The following TTF2 variants were observed in gnomAD, a reference collection of about 807,000 sequenced individuals.
The protein encoded by TTF2 is transcription termination factor 2.
TTF2 carries 108 observed loss-of-function variants against 142.4 expected under a neutral mutation model. The observed-to-expected ratio is 0.76, with a 90% confidence interval of 0.65 to 0.89. The LOEUF is 0.89. Among genes scored for constraint, TTF2 ranks in the 40% least tolerant of loss-of-function variants. The pLI, the probability that TTF2 is intolerant of heterozygous loss-of-function variation, is 0.00. For synonymous variants in TTF2, 483 were observed against 506.2 expected, an observed-to-expected ratio of 0.95 and a Z score of 0.61; for missense variants, 1,327 against 1,379.8, an observed-to-expected ratio of 0.96 and a Z score of 0.61.
chr1:117,088,265 C>T (rs536916095), intron 12 of TTF2, among the ~76,000 whole-genome samples: 9 of 152,222 alleles, frequency 5.9e-5, no homozygotes, highest in East Asian at 1.9e-4. Flanking sequence ...CGGCTGGGCG[C>T]GGTGGCTCAT....
Position 117,086,391 on chromosome 1 carries a change from TTGA to T in TTF2, c.2055-24_2055-22del. 1 of 1,549,258 alleles carries T rather than the reference TTGA, an allele frequency of 6.5e-7. No homozygotes were observed. The highest frequency in any genetic ancestry group is 8.9e-7 in the Non-Finnish European group (1 of 1,121,272). Reference sequence around the variant, plus strand: ...TGTCCCTCTATAGTGGGACCATTTATTGATTTCTTTGTTATGTCTACGCAGCCT... The same window carrying T: ...TGTCCCTCTATAGTGGGACCATTTATTTTCTTTGTTATGTCTACGCAGCCT... On this transcript the variant is annotated intron_variant, in intron 11 of 22. Coordinates refer to ENST00000369466, the MANE Select transcript of TTF2 (RefSeq NM_003594.4). The surrounding 1 kb of genome is among the most constrained non-coding windows in gnomAD (Gnocchi z 4.2).
intron 3 of TTF2, among the ~76,000 whole-genome samples, chr1:117,066,695 CTTTTTTTTTT>C (rs530588185): frequency 1.7e-5 from 2 of 115,050 alleles, no homozygotes; most frequent in African/African-American, 6.3e-5. Context: ...CTAATCATGT[CTTTTTTTTTT>C]TTTTTTTTTT....
rs1656925689 is a variant in TTF2, at chr1:117,075,557, C to T, written c.973C>T (p.Pro325Ser). The change falls in exon 5 of 23, where the codon CCT becomes TCT. Residue 325 changes from proline (P) to serine (S), a missense_variant. By Grantham distance (74) the Pro-to-Ser change is moderately conservative (BLOSUM62 -1). Coordinates refer to ENST00000369466, the MANE Select transcript of TTF2 (RefSeq NM_003594.4). The surrounding 1 kb of genome is among the most constrained non-coding windows in gnomAD (Gnocchi z 4.5). ...ERPETHSVPA[P>S]GGPAAQAAPA... ...GCCGGAGACCCACAGTGTGCCTGCT[C>T]CTGGAGGACCAGCGGCTCAGGCTGC... The T allele has an allele frequency of 6.2e-7, 1 of 1,614,166 alleles. No individual in the cohort carries two copies. Among genetic ancestry groups the T allele is most frequent in the Middle Eastern group, 1.6e-4 (1 of 6,062 alleles).
chr1:117,084,789 AGATTGAATACTG>A (rs1304424989), intron 11 of TTF2, among the ~76,000 whole-genome samples: 3 of 152,134 alleles, frequency 2.0e-5, no homozygotes, highest in Non-Finnish European at 4.4e-5. Context: ...GTGAAGATCT[AGATTGAATACTG>A]GCTGCTGTAG....
chr1:117,085,405 T>C lies in TTF2; in HGVS notation c.2055-1012T>C, dbSNP rs1263442844. On this transcript the variant is annotated intron_variant, in intron 11 of 22. Transcript: ENST00000369466. This position sits in a 1 kb window ranked among gnomAD's most constrained non-coding sequence, Gnocchi z 4.7. The stretch of plus-strand genomic sequence containing the variant: ...CCATCTCTACCAAAAATACAAAAAT[T>C]AGCTGGGTGTGGTGGTGTGCACTTG... Among the ~76,000 whole-genome samples, 17 of 152,032 alleles carry C rather than the reference T, an allele frequency of 1.1e-4. No homozygotes were observed.
chr1:117,072,096 G>A (rs1656622351), intron 3 of TTF2, among the ~76,000 whole-genome samples: 1 of 152,168 alleles, frequency 6.6e-6, no homozygotes, highest in African/African-American at 2.4e-5. Context: ...AGACTGGAGG[G>A]TGCATGGCTT....
chr1:117,093,362 A>G lies in TTF2; in HGVS notation c.2976+461A>G, dbSNP rs1265775609. Among the ~76,000 whole-genome samples the G allele has an allele frequency of 1.3e-5, 2 of 152,154 alleles. No individual in the cohort carries two copies. Among genetic ancestry groups the G allele is most frequent in the African/African-American group, 4.8e-5 (2 of 41,434 alleles). ...ACATAGCCTTCTGTCTTCATTAGTC[A>G]TTCTGCTCTGTTTTCGTCAGAGCTT... On this transcript the variant is annotated intron_variant, in intron 18 of 22. Transcript: ENST00000369466. The surrounding 1 kb of genome is among the most constrained non-coding windows in gnomAD (Gnocchi z 4.5).
chr1:117,102,996 G>C lies in TTF2; in HGVS notation c.*1472G>C, dbSNP rs1217571567. Reference sequence around the variant, plus strand: ...TGGACTGTGGAGAGAAGCGATTGATGTAAGTCACTTCTAGGTGGCCCTCTA... The same window carrying C: ...TGGACTGTGGAGAGAAGCGATTGATCTAAGTCACTTCTAGGTGGCCCTCTA... On this transcript the variant is annotated 3_prime_UTR_variant, in exon 23 of 23. Transcript: ENST00000369466. The C allele has an allele frequency of 6.6e-6, 1 of 152,194 alleles. No individual in the cohort carries two copies. The highest frequency in any genetic ancestry group is 6.5e-5 in the Admixed American group (1 of 15,282). The allele number at this position is 152,194 out of a possible 1,614,324, so 9.4% of individuals were successfully genotyped here. A position where few individuals can be genotyped will look rare whatever the true frequency, so the allele number is the denominator to read the frequency against.
chr1:117,094,837 C>G (rs1648964662), intron 18 of TTF2: 1 of 353,280 alleles, frequency 2.8e-6, no homozygotes, highest in Non-Finnish European at 5.6e-6. Flanking sequence ...TATGATAGTA[C>G]TTGGGCAGTG....
rs1649747676 is a variant in TTF2, at chr1:117,103,623, G to A, written c.*2099G>A. 1 of 152,176 alleles carries A rather than the reference G, an allele frequency of 6.6e-6. No homozygotes were observed. The highest frequency in any genetic ancestry group is 2.4e-5 in the African/African-American group (1 of 41,426). 9.4% of individuals were successfully genotyped at this position (152,176 alleles called of 1,614,324 possible). On this transcript the variant is annotated 3_prime_UTR_variant, in exon 23 of 23. Coordinates refer to ENST00000369466, the MANE Select transcript of TTF2 (RefSeq NM_003594.4). ...TTCTAGTCTAGAACGTTTGAGATTT[G>A]ACTCTAGTTCTAGGTTCATCTTAGC... is the stretch of plus-strand genomic sequence containing the variant.
intron 3 of TTF2, among the ~76,000 whole-genome samples, chr1:117,064,508 TTTTG>T (rs145922216): frequency 0.98 from 147,827 of 151,418 alleles, 72,200 homozygotes; most frequent in Non-Finnish European, 0.98. Flanking sequence ...ATAGTTTTAT[TTTTG>T]TTTGTTTGTT....
intron 3 of TTF2, among the ~76,000 whole-genome samples, chr1:117,072,872 C>T (rs1043273339): frequency 2.6e-5 from 4 of 152,270 alleles, no homozygotes; most frequent in Middle Eastern, 3.4e-3. Context: ...GTCTCAGGCC[C>T]CTGAGTAGAG....
In TTF2 at chr1:117,101,383, TGTTTGTGAGGGAACA is replaced by T; in HGVS notation, c.3351_3365del (p.Cys1118_Val1122del). Reference sequence around the variant, plus strand: ...ATTTTTTGTTTTTGTTTTTTAGATTTGTTTGTGAGGGAACAGTAGAAGAAAAGATCTTACAGCTCC... The same window carrying T: ...ATTTTTTGTTTTTGTTTTTTAGATTTGTAGAAGAAAAGATCTTACAGCTCC... On this transcript the variant is annotated inframe_deletion, in exon 23 of 23. Transcript: ENST00000369466. The surrounding 1 kb of genome is among the most constrained non-coding windows in gnomAD (Gnocchi z 5.9). The T allele has an allele frequency of 6.3e-7, 1 of 1,577,082 alleles. No individual in the cohort carries two copies. Among genetic ancestry groups the T allele is most frequent in the South Asian group, 1.2e-5 (1 of 84,504 alleles).
rs865830001 is a variant in TTF2, at chr1:117,106,974, G to A, written c.*5450G>A. 2 of 152,236 alleles carry A rather than the reference G, an allele frequency of 1.3e-5. No individual in the cohort carries two copies. The highest frequency in any genetic ancestry group is 2.1e-4 in the South Asian group (1 of 4,830). 9.4% of individuals were successfully genotyped at this position (152,236 alleles called of 1,614,324 possible). On this transcript the variant is annotated 3_prime_UTR_variant, in exon 23 of 23. Coordinates refer to ENST00000369466, the MANE Select transcript of TTF2 (RefSeq NM_003594.4). ...CTGTTACAACATCCCAGAGGACAGAGGCTCTTATTTGTGACTCTTTTTTCT... is the reference window on the plus strand; with the variant it reads ...CTGTTACAACATCCCAGAGGACAGAAGCTCTTATTTGTGACTCTTTTTTCT...
chr1:117,094,629 C>G (rs1293888351), intron 18 of TTF2: 1 of 481,686 alleles, frequency 2.1e-6, no homozygotes, highest in Non-Finnish European at 4.3e-6. Context: ...CTTTCACTTT[C>G]TTCTTCAGCA....
chr1:117,090,119 A>G lies in TTF2; in HGVS notation c.2407A>G (p.Lys803Glu), dbSNP rs772950070. The G allele has an allele frequency of 6.2e-6, 10 of 1,614,006 alleles. No individual in the cohort carries two copies. The highest frequency in any genetic ancestry group is 2.2e-5 in the East Asian group (1 of 44,896). Residue 803 changes from lysine (K) to glutamate (E), a missense_variant, in exon 14 of 23, where the codon AAG becomes GAG. Coordinates refer to ENST00000369466, the MANE Select transcript of TTF2 (RefSeq NM_003594.4). This position sits in a 1 kb window ranked among gnomAD's most constrained non-coding sequence, Gnocchi z 4.8. ...GAGGAGTCAGGTTGACAATGGCTCA[A>G]AGAAAGGAGGAGAACGGTTAAGTAT... is the stretch of plus-strand genomic sequence containing the variant. ...LWRSQVDNGS[K>E]KGGERLSILT...
chr1:117,083,911 A>G, intron 10 of TTF2, 107 bp from the exon 11 acceptor site: 1 of 1,365,360 alleles, frequency 7.3e-7, no homozygotes, highest in Non-Finnish European at 1.0e-6. Context: ...TAGGAGTTTG[A>G]GACAGCCTGG....
intron 13 of TTF2, 78 bp from the exon 14 acceptor site, chr1:117,089,977 T>C (rs943827724): frequency 6.8e-7 from 1 of 1,477,008 alleles, no homozygotes; most frequent in Non-Finnish European, 9.1e-7. Context: ...TGTCATCTTA[T>C]ATCTTACTTT....
At position 117,092,896 on chromosome 1, in the gene TTF2, A is replaced by G. The variant is rs138901047; in HGVS notation, c.2971A>G (p.Thr991Ala). 1.2e-4 allele frequency: 194 copies of G among 1,614,192 alleles called. 1 individual carries two copies. The East Asian group carries it at 4.2e-3, about 35-fold the overall frequency. The change falls in exon 18 of 23, where the codon ACC becomes GCC. Residue 991 changes from threonine (T) to alanine (A), a missense_variant. Coordinates refer to ENST00000369466, the MANE Select transcript of TTF2 (RefSeq NM_003594.4). This position sits in a 1 kb window ranked among gnomAD's most constrained non-coding sequence, Gnocchi z 4.4. The stretch of plus-strand genomic sequence containing the variant: ...GCTTTTTGAAGGCATGCGAGAGAGC[A>G]CCAAGGTACTTTTTGTCTCCTCTGT... ...MELFEGMRES[T>A]KISSLLAELE...
Sources: allele counts gnomAD v4.1 joint callset (sites outside exome capture counted in the v4.1 genomes callset), GRCh38; gene constraint gnomAD v4.1.1; non-coding constraint Gnocchi (gnomAD v3.1); transcripts MANE v1.5; gene names NCBI Gene and HGNC (gene_info 2026-07-23, HGNC 2026-07-21).